MTHFS: variants seen among roughly 807,000 people sequenced by gnomAD.
The protein encoded by MTHFS is 5-formyltetrahydrofolate cyclo-ligase.
In MTHFS, 7 loss-of-function variants were observed where a neutral mutation model predicts 12.7. The ratio of observed to expected loss-of-function variants is 0.55; its 90% confidence interval spans 0.31 to 1.03. MTHFS has a LOEUF of 1.03. Among genes scored for constraint, MTHFS ranks in the 50% least tolerant of loss-of-function variants. The probability of loss-of-function intolerance (pLI) is 0.05; values close to 1 mark genes in which losing one functional copy is unlikely to be tolerated. For synonymous variants in MTHFS, 100 were observed against 97.1 expected, an observed-to-expected ratio of 1.03 and a Z score of -0.18; for missense variants, 252 against 258.1, an observed-to-expected ratio of 0.98 and a Z score of 0.16.
At chr15:79,883,986 C>G (rs890073082) in intron 2 of MTHFS, among the ~76,000 whole-genome samples, 1 of 152,226 alleles carries the variant, frequency 6.6e-6, no homozygotes, top group Non-Finnish European at 1.5e-5. Context: ...CACTCAACAT[C>G]AGCAAAAACA....
At chr15:79,880,853 C>T (rs951530490) in intron 2 of MTHFS, among the ~76,000 whole-genome samples, 4 of 150,426 alleles carry the variant, frequency 2.7e-5, no homozygotes, top group African/African-American at 9.8e-5. Flanking sequence ...AAAGCAAATC[C>T]AATGACAAAA....
At chr15:79,858,824 TAAGAAAATTGTG>T (rs1326330350) in intron 2 of MTHFS, among the ~76,000 whole-genome samples, 2 of 152,238 alleles carry the variant, frequency 1.3e-5, no homozygotes, top group African/African-American at 4.8e-5. Context: ...TTATCAAACT[TAAGAAAATTGTG>T]AAGAAAATAA....
chr15:79,855,489 G>A (rs1284559071), intron 2 of MTHFS, among the ~76,000 whole-genome samples: 1 of 152,026 alleles, frequency 6.6e-6, no homozygotes, highest in Non-Finnish European at 1.5e-5. Context: ...CTGTAAAATG[G>A]GTGGATGGAA....
intron 2 of MTHFS, among the ~76,000 whole-genome samples, chr15:79,887,876 T>C (rs745557482): frequency 4.6e-5 from 7 of 152,142 alleles, no homozygotes; most frequent in Non-Finnish European, 8.8e-5. Context: ...GATTGGACAA[T>C]ACAGGGAAAG....
In MTHFS at chr15:79,845,402, G is replaced by A. The variant is rs139934877; in HGVS notation, c.420C>T (p.Asp140=). 843 of 1,614,156 alleles carry A rather than the reference G, an allele frequency of 5.2e-4. 5 individuals are homozygous for A. In the African/African-American group the frequency reaches 9.8e-3, roughly 19 times the overall value. ...CCCTCCCCAGTCGGTTGCCATGTTTGTCAAACCCAAGGCCTGGCATGAAGA... is the reference window on the plus strand; with the variant it reads ...CCCTCCCCAGTCGGTTGCCATGTTTATCAAACCCAAGGCCTGGCATGAAGA... ...DLIFMPGLGF[D]KHGNRLGRGK... Residue 140 remains aspartate (D), a synonymous_variant, in exon 3 of 3, where the codon GAC becomes GAT. Transcript: ENST00000258874.
At chr15:79,858,175 A>C (rs1343113924) in intron 2 of MTHFS, among the ~76,000 whole-genome samples, 1 of 152,238 alleles carries the variant, frequency 6.6e-6, no homozygotes, top group Middle Eastern at 3.2e-3. Context: ...GGAACTACAG[A>C]TAACACAGAG....
chr15:79,858,930 C>T (rs2033859284), intron 2 of MTHFS, among the ~76,000 whole-genome samples: 1 of 152,096 alleles, frequency 6.6e-6, no homozygotes, highest in East Asian at 1.9e-4. Context: ...CAAAAATAAC[C>T]AGCTTAACAA....
chr15:79,885,037 C>T (rs988811282), intron 2 of MTHFS, among the ~76,000 whole-genome samples: 7 of 152,222 alleles, frequency 4.6e-5, no homozygotes, highest in Admixed American at 4.6e-4. Context: ...ATGACTCCAT[C>T]AAATATGCCT....
At chr15:79,864,753 T>C (rs932410749) in intron 2 of MTHFS, among the ~76,000 whole-genome samples, 2 of 151,860 alleles carry the variant, frequency 1.3e-5, no homozygotes, top group Admixed American at 6.6e-5. Flanking sequence ...CTCAGAATAT[T>C]TGTTACACAA....
intron 1 of MTHFS, among the ~76,000 whole-genome samples, chr15:79,894,494 G>A (rs1219330147): frequency 6.6e-6 from 1 of 152,176 alleles, no homozygotes; most frequent in East Asian, 1.9e-4. Context: ...TGAGGGTCAT[G>A]GGTCTGCTTT....
intron 2 of MTHFS, among the ~76,000 whole-genome samples, chr15:79,875,504 G>T (rs1314922873): frequency 6.6e-6 from 1 of 152,162 alleles, no homozygotes; most frequent in Non-Finnish European, 1.5e-5. Flanking sequence ...TAAAGACAGT[G>T]CTGGGACAAC....
At chr15:79,880,100 C>T (rs1441532481) in intron 2 of MTHFS, among the ~76,000 whole-genome samples, 2 of 152,112 alleles carry the variant, frequency 1.3e-5, no homozygotes, top group African/African-American at 2.4e-5. Flanking sequence ...GACGGAGTCT[C>T]GCTCTGTCGC....
intron 2 of MTHFS, among the ~76,000 whole-genome samples, chr15:79,875,626 G>GA (rs1268880553): frequency 1.3e-5 from 2 of 151,954 alleles, no homozygotes. Context: ...AAAACTCTTA[G>GA]AAAAAAACGG....
chr15:79,851,243 T>C (rs773178371), intron 2 of MTHFS, among the ~76,000 whole-genome samples: 5 of 152,192 alleles, frequency 3.3e-5, no homozygotes, highest in Non-Finnish European at 5.9e-5. Context: ...GACCAGCTCT[T>C]ATCCTATACT....
chr15:79,886,546 T>C (rs183594409), intron 2 of MTHFS, among the ~76,000 whole-genome samples: 12 of 151,918 alleles, frequency 7.9e-5, no homozygotes, highest in African/African-American at 2.4e-4. Flanking sequence ...ATAAATACTA[T>C]AGAGGAGAAA....
intron 2 of MTHFS, among the ~76,000 whole-genome samples, chr15:79,848,766 T>G (rs1163499103): frequency 6.6e-6 from 1 of 152,220 alleles, no homozygotes; most frequent in Non-Finnish European, 1.5e-5. Flanking sequence ...AAGTCTACCT[T>G]GTACCACAGT....
intron 2 of MTHFS, among the ~76,000 whole-genome samples, chr15:79,850,020 A>G (rs2033686349): frequency 2.6e-5 from 4 of 152,192 alleles, no homozygotes; most frequent in Admixed American, 2.6e-4. Context: ...CCCTCAGGCT[A>G]TTTCTTAGCT....
rs572732296 is a variant in MTHFS, at chr15:79,890,188, C to T, written c.118-834G>A. Among the ~76,000 whole-genome samples the T allele has an allele frequency of 2.0e-5, 3 of 147,108 alleles. No homozygotes were observed. The South Asian group carries it at 7.0e-4, about 34-fold the overall frequency. On this transcript the variant is annotated intron_variant, in intron 1 of 2. Coordinates refer to ENST00000258874, the MANE Select transcript of MTHFS (RefSeq NM_006441.4). ...GAACTTATCCACACTCAGAAGTTAG[C>T]CCTTCGCTCTCTTTTTTCCTTTTTT...
intron 2 of MTHFS, among the ~76,000 whole-genome samples, chr15:79,868,911 A>C (rs919972072): frequency 2.6e-5 from 4 of 152,164 alleles, no homozygotes; most frequent in Non-Finnish European, 5.9e-5. Flanking sequence ...CACACACACA[A>C]ACATAAAACT....
Sources: allele counts gnomAD v4.1 joint callset (sites outside exome capture counted in the v4.1 genomes callset), GRCh38; gene constraint gnomAD v4.1.1; transcripts MANE v1.5; gene names NCBI Gene and HGNC (gene_info 2026-07-23, HGNC 2026-07-21).